TVP23C: variants seen among roughly 807,000 people sequenced by gnomAD.
TVP23C encodes trans-golgi network vesicle protein 23 homolog C.
In TVP23C, 19 loss-of-function variants were observed where a neutral mutation model predicts 28.7. The ratio of observed to expected loss-of-function variants is 0.66; its 90% CI spans 0.46 to 0.97. The LOEUF (loss-of-function observed/expected upper bound fraction) is 0.97, where lower values mean the gene tolerates loss of function less well. Ranked by LOEUF, TVP23C falls within the 50% of genes least tolerant of loss-of-function variation. The probability of loss-of-function intolerance (pLI) is 0.00; values close to 1 mark genes in which losing one functional copy is unlikely to be tolerated. For synonymous variants in TVP23C, 68 were observed against 81.7 expected, an observed-to-expected ratio of 0.83 and a Z score of 0.90; for missense variants, 186 against 241.3, an observed-to-expected ratio of 0.77 and a Z score of 1.52.
intron 5 of TVP23C, among the ~76,000 whole-genome samples, chr17:15,518,846 C>T (rs549991225): frequency 2.0e-5 from 3 of 152,100 alleles, no homozygotes; most frequent in African/African-American, 7.2e-5. Flanking sequence ...GGCTCTGTGA[C>T]CTCACTCAAA....
rs1184710323 is a variant in TVP23C, at chr17:15,540,313, C to A, written c.*99G>T. ...CAAAGAGCAATTACAACATCTTTAT[C>A]ATTATATTTATACAACTATATGCCT... On this transcript the variant is annotated 3_prime_UTR_variant, in exon 6 of 6. Coordinates refer to ENST00000518321, the MANE Select transcript of TVP23C (RefSeq NM_001135036.2). 7.3e-7 allele frequency: 1 copy of A among 1,370,098 alleles called. No individual in the cohort carries two copies. The highest frequency in any genetic ancestry group is 2.9e-5 in the Admixed American group (1 of 34,406). The allele number at this position is 1,370,098 out of a possible 1,614,324, so 84.9% of individuals were successfully genotyped here.
chr17:15,525,947 CAA>C (rs1054078964), intron 5 of TVP23C, among the ~76,000 whole-genome samples: 7 of 152,138 alleles, frequency 4.6e-5, no homozygotes, highest in African/African-American at 1.7e-4. Flanking sequence ...ACGGTCATTG[CAA>C]AGAGTCAAAG....
chr17:15,523,772 C>T (rs1982589603), intron 5 of TVP23C, among the ~76,000 whole-genome samples: 1 of 151,988 alleles, frequency 6.6e-6, no homozygotes, highest in Non-Finnish European at 1.5e-5. Context: ...CGCCACCATG[C>T]CCGGCTAATT....
At position 15,539,155 on chromosome 17, in the gene TVP23C, C is replaced by T. The variant is rs1983291845; in HGVS notation, c.*1257G>A. On this transcript the variant is annotated 3_prime_UTR_variant, in exon 6 of 6. Transcript: ENST00000518321. ...GAGAAATGCAAATTATGAGACTCCA[C>T]CCCCAGATCTACTGAATAAGGAGTC... 9 of 942,814 alleles carry T rather than the reference C, an allele frequency of 9.5e-6. No individual in the cohort carries two copies. The South Asian group carries it at 3.4e-4, about 36-fold the overall frequency. 58.4% of individuals were successfully genotyped at this position (942,814 alleles called of 1,614,324 possible).
rs765680996 is a variant in TVP23C at position 15,538,560 on chromosome 17, A to G, written c.*1852T>C. 6.4e-4 allele frequency: 616 copies of G among 966,054 alleles called. 2 individuals carry two copies. The highest frequency in any genetic ancestry group is 4.8e-3 in the Middle Eastern group (9 of 1,864). 59.8% of individuals were successfully genotyped at this position (966,054 alleles called of 1,614,324 possible). A position where few individuals can be genotyped will look rare whatever the true frequency, so the allele number is the denominator to read the frequency against. ...AGCCGAGATCGCGCCACTGCACTCCAGCCTGGGCAAACAGAGTGAGACTCT... is the reference window on the plus strand; with the variant it reads ...AGCCGAGATCGCGCCACTGCACTCCGGCCTGGGCAAACAGAGTGAGACTCT... On this transcript the variant is annotated 3_prime_UTR_variant, in exon 6 of 6. Coordinates refer to ENST00000518321, the MANE Select transcript of TVP23C (RefSeq NM_001135036.2).
chr17:15,513,693 G>T (rs939589465), intron 5 of TVP23C, among the ~76,000 whole-genome samples: 1 of 152,178 alleles, frequency 6.6e-6, no homozygotes, highest in South Asian at 2.1e-4. Context: ...CAAATGCTTA[G>T]CTCTTGGCAT....
intron 5 of TVP23C, chr17:15,503,522 G>A (rs1324017468): frequency 1.2e-5 from 3 of 247,106 alleles, no homozygotes; most frequent in African/African-American, 4.5e-5. Context: ...TCTTAGTCTC[G>A]TTTTGTTGCC....
downstream of TVP23C, among the ~76,000 whole-genome samples, chr17:15,532,189 C>A (rs1051063110): frequency 1.3e-5 from 2 of 152,164 alleles, no homozygotes; most frequent in Non-Finnish European, 2.9e-5. Flanking sequence ...TCTGGCCAGT[C>A]TCATTTGTCC....
At chr17:15,529,793 C>CT (rs1477231280) in intron 5 of TVP23C, among the ~76,000 whole-genome samples, 1 of 152,052 alleles carries the variant, frequency 6.6e-6, no homozygotes, top group African/African-American at 2.4e-5. Flanking sequence ...TTTTGCCAAT[C>CT]TGTTTTTTGT....
At chr17:15,551,262 C>A (rs59337682) in intron 3 of TVP23C, among the ~76,000 whole-genome samples, 3 of 142,404 alleles carry the variant, frequency 2.1e-5, no homozygotes, top group African/African-American at 7.7e-5. Context: ...CCATGCCCGG[C>A]TCATTTTTTT....
rs576632156 is a variant in TVP23C, at chr17:15,510,181, G to A, written c.463-6949C>T. 3.9e-5 allele frequency among the ~76,000 whole-genome samples: 6 copies of A among 152,158 alleles called. No homozygotes were observed. In the South Asian group the frequency reaches 8.3e-4, roughly 21 times the overall value. On this transcript the variant is annotated intron_variant, in intron 5 of 5. Coordinates refer to the TVP23C transcript ENST00000225576. Reference sequence around the variant, plus strand: ...GGAAATGTTTCTGTTTGCTTTTTTCGGGGTTCTAGTGAGGAGTTCCAGAGG... The same window carrying A: ...GGAAATGTTTCTGTTTGCTTTTTTCAGGGTTCTAGTGAGGAGTTCCAGAGG...
At chr17:15,518,886 C>T (rs1050289607) in intron 5 of TVP23C, among the ~76,000 whole-genome samples, 8 of 152,122 alleles carry the variant, frequency 5.3e-5, no homozygotes, top group African/African-American at 1.7e-4. Context: ...CCCCACGTGT[C>T]GAGGGGGGAC....
In TVP23C at chr17:15,547,052, A is replaced by G; in HGVS notation, c.330+7T>C. 1.3e-6 allele frequency: 2 copies of G among 1,575,748 alleles called. No individual in the cohort carries two copies. The highest frequency in any genetic ancestry group is 1.7e-6 in the Non-Finnish European group (2 of 1,165,726). On this transcript the variant is annotated splice_region_variant and intron_variant, in intron 4 of 5. Coordinates refer to ENST00000518321, the MANE Select transcript of TVP23C (RefSeq NM_001135036.2). ...TAACATTATTTAAAACAAAAAAGGC[A>G]CTTTACCTTTCTAGATTCAAACACC...
intron 5 of TVP23C, among the ~76,000 whole-genome samples, chr17:15,504,465 G>A (rs1020450681): frequency 4.6e-5 from 7 of 152,190 alleles, no homozygotes; most frequent in Non-Finnish European, 8.8e-5. Flanking sequence ...GAAGAGCTGC[G>A]CTTTGGATGG....
At chr17:15,509,987 C>T (rs1981931310) in intron 5 of TVP23C, among the ~76,000 whole-genome samples, 1 of 152,186 alleles carries the variant, frequency 6.6e-6, no homozygotes, top group Non-Finnish European at 1.5e-5. Flanking sequence ...AAGAAAAGAA[C>T]CTGCCAATGG....
chr17:15,534,658 G>T (rs867391978), downstream of TVP23C, among the ~76,000 whole-genome samples: 1 of 150,436 alleles, frequency 6.6e-6, no homozygotes, highest in Non-Finnish European at 1.5e-5. Context: ...TACTCTGGGG[G>T]ATGTAGAATT....
chr17:15,555,860 T>C (rs558480594), intron 1 of TVP23C, among the ~76,000 whole-genome samples: 2 of 152,300 alleles, frequency 1.3e-5, no homozygotes, highest in African/African-American at 4.8e-5. Context: ...GGGATTTGTT[T>C]CATCATTTTC....
intron 5 of TVP23C, among the ~76,000 whole-genome samples, chr17:15,517,065 AAG>A (rs1384008446): frequency 6.6e-6 from 1 of 152,232 alleles, no homozygotes; most frequent in Non-Finnish European, 1.5e-5. Flanking sequence ...TGCTTTATAA[AAG>A]AGAGTGTCTA....
chr17:15,502,585 GC>G (rs1981494208), exon 6 of TVP23C: 1 of 410,408 alleles, frequency 2.4e-6, no homozygotes, highest in Non-Finnish European at 4.2e-6. Context: ...GCATGGCCCT[GC>G]CCCACAAAGC....
Sources: allele counts gnomAD v4.1 joint callset (sites outside exome capture counted in the v4.1 genomes callset), GRCh38; gene constraint gnomAD v4.1.1; transcripts MANE v1.5; gene names NCBI Gene and HGNC (gene_info 2026-07-23, HGNC 2026-07-21).